The following BRAF variants were observed in gnomAD, a reference collection of about 807,000 sequenced individuals.
The protein encoded by BRAF is serine/threonine-protein kinase B-raf.
In BRAF, 16 loss-of-function variants were observed where a neutral mutation model predicts 104.6. The observed-to-expected ratio is 0.15, with a 90% CI of 0.10 to 0.23. The LOEUF is 0.23. BRAF is among the 10% of genes least tolerant of loss of function. BRAF has a pLI of 1.00. For synonymous variants in BRAF, 310 were observed against 341.6 expected (o/e 0.91, Z 1.02); for missense variants, 541 against 937.3 (o/e 0.58, Z 5.52).
chr7:140,916,094 C>G (rs1817605322), intron 1 of BRAF, among the ~76,000 whole-genome samples: 1 of 152,226 alleles, frequency 6.6e-6, no homozygotes, highest in Admixed American at 6.5e-5. Context: ...TAGTCAGTTT[C>G]TACCTTCGCA....
At chr7:140,759,800 A>C (rs1798519453) in intron 14 of BRAF, among the ~76,000 whole-genome samples, 1 of 152,238 alleles carries the variant, frequency 6.6e-6, no homozygotes. Context: ...ATATGCCTGA[A>C]AGCAGTGTTT....
chr7:140,821,331 GCT>G (rs1805461955), intron 3 of BRAF, among the ~76,000 whole-genome samples: 2 of 126,028 alleles, frequency 1.6e-5, no homozygotes, highest in Admixed American at 9.9e-5. Flanking sequence ...ACAGAGTCTC[GCT>G]CTGTCACCCA....
chr7:140,789,748 G>C (rs900466900), intron 8 of BRAF, among the ~76,000 whole-genome samples: 1 of 152,228 alleles, frequency 6.6e-6, no homozygotes, highest in Non-Finnish European at 1.5e-5. Flanking sequence ...ATAAGATTTT[G>C]AGATGAAGTC....
intron 1 of BRAF, among the ~76,000 whole-genome samples, chr7:140,901,664 C>G (rs1230924333): frequency 6.6e-6 from 1 of 152,176 alleles, no homozygotes; most frequent in Non-Finnish European, 1.5e-5. Flanking sequence ...TTTAGGTGGT[C>G]TGTCTCTAAA....
chr7:140,902,139 G>A (rs1363008991), intron 1 of BRAF, among the ~76,000 whole-genome samples: 3 of 152,140 alleles, frequency 2.0e-5, no homozygotes, highest in Non-Finnish European at 4.4e-5. Flanking sequence ...GAGCAAATCT[G>A]TTGGCACCAT....
intron 4 of BRAF, 95 bp from the exon 5 acceptor site, chr7:140,808,157 T>C (rs1017851769): frequency 6.4e-6 from 6 of 942,968 alleles, no homozygotes; most frequent in East Asian, 2.5e-5. Flanking sequence ...ATCGAGGGGC[T>C]AGTAACAGTG....
At chr7:140,838,564 T>A (rs1807595027) in intron 2 of BRAF, among the ~76,000 whole-genome samples, 1 of 152,146 alleles carries the variant, frequency 6.6e-6, no homozygotes, top group Admixed American at 6.6e-5. Flanking sequence ...TTCAATGCAA[T>A]CCTTCTCAAA....
rs950212589 is a variant in BRAF at position 140,722,636 on chromosome 7, G to C, written c.*3858C>G. 4.8e-5 allele frequency: 51 copies of C among 1,053,596 alleles called. No individual in the cohort carries two copies. The highest frequency in any genetic ancestry group is 5.6e-5 in the Non-Finnish European group (49 of 872,024). The allele number at this position is 1,053,596 out of a possible 1,614,324, so 65.3% of individuals were successfully genotyped here. A position where few individuals can be genotyped will look rare whatever the true frequency, so the allele number is the denominator to read the frequency against. On this transcript the variant is annotated 3_prime_UTR_variant, in exon 20 of 20. Transcript: ENST00000644969. ...CACTAACAATGCCAACTTGGACAAA[G>C]AAGAGAATCTTGCAAAAAGAGTAAT... is the stretch of plus-strand genomic sequence containing the variant.
At chr7:140,862,831 A>T (rs1373539812) in intron 1 of BRAF, among the ~76,000 whole-genome samples, 1 of 152,198 alleles carries the variant, frequency 6.6e-6, no homozygotes, top group Non-Finnish European at 1.5e-5. Context: ...GAATATATTA[A>T]AAACCACTAA....
intron 9 of BRAF, among the ~76,000 whole-genome samples, chr7:140,786,042 A>G (rs564249152): frequency 2.0e-5 from 3 of 152,348 alleles, no homozygotes; most frequent in African/African-American, 7.2e-5. Context: ...TTTATGACTA[A>G]GTTAATTTTG....
intron 7 of BRAF, chr7:140,799,011 A>G (rs1397301415): frequency 5.8e-6 from 1 of 172,190 alleles, no homozygotes; most frequent in Non-Finnish European, 1.2e-5. Flanking sequence ...ATGCCCAGCT[A>G]ATTTTTTTTT....
At position 140,739,858 on chromosome 7, in the gene BRAF, G is replaced by A; in HGVS notation, c.2201C>T (p.Ala734Val). The change falls in exon 18 of 20, where the codon GCA becomes GTA. Residue 734 changes from alanine to valine, a missense_variant. Physicochemically the swap from Ala to Val is moderately conservative, Grantham distance 64 (BLOSUM62 0). Coordinates refer to ENST00000644969, the MANE Select transcript of BRAF (RefSeq NM_001374258.1). ...ATCTCTTTTCTTTTTGAGGCACTCT[G>A]CCATTAATCTCTTCATGGCTTTTGG... is the stretch of plus-strand genomic sequence containing the variant. ...NCPKAMKRLM[A>V]ECLKKKRDER... The A allele has an allele frequency of 6.2e-7, 1 of 1,612,908 alleles. No individual in the cohort carries two copies.
chr7:140,730,136 T>C (rs1795853754), intron 19 of BRAF, among the ~76,000 whole-genome samples: 1 of 152,108 alleles, frequency 6.6e-6, no homozygotes. Flanking sequence ...AAAAAGTATC[T>C]TTTCTTAATG....
At position 140,739,928 on chromosome 7, in the gene BRAF, G is replaced by A. The variant is rs2130900815; in HGVS notation, c.2131C>T (p.Arg711Ter). The A allele has an allele frequency of 6.2e-7, 1 of 1,613,374 alleles. No homozygotes were observed. The highest frequency in any genetic ancestry group is 8.5e-7 in the Non-Finnish European group (1 of 1,179,818). The change falls in exon 18 of 20, where the codon CGA becomes TGA. Residue 711 changes from arginine to a stop codon, truncating the protein, a stop_gained. Coordinates refer to ENST00000644969, the MANE Select transcript of BRAF (RefSeq NM_001374258.1). LOFTEE classifies it high-confidence loss of function. ...CTGAGATCTGGAGACAGGTATCCTC[G>A]TCCCACCATAAAAATTATCTGGAGA... The part of the protein sequence containing the change: ...NRDQIIFMVG[R>*]GYLSPDLSKV...
chr7:140,754,265 A>C, intron 14 of BRAF, 32 bp from the exon 14 acceptor site: 1 of 1,601,976 alleles, frequency 6.2e-7, no homozygotes, highest in Non-Finnish European at 8.6e-7. Flanking sequence ...TAACCTGAGT[A>C]GGGCTAAAGG....
In BRAF at chr7:140,801,397, T is replaced by A; in HGVS notation, c.860+15A>T. On this transcript the variant is annotated intron_variant, in intron 6 of 19. Coordinates refer to ENST00000644969, the MANE Select transcript of BRAF (RefSeq NM_001374258.1). ...AAAATGGTAGGTAGAAAAGAGATAT[T>A]TTTGGATTACTTACTCAAGTTGGTC... The A allele has an allele frequency of 1.2e-6, 2 of 1,613,206 alleles. No homozygotes were observed. The highest frequency in any genetic ancestry group is 1.7e-6 in the Non-Finnish European group (2 of 1,179,262).
chr7:140,825,248 A>G (rs967715211), intron 3 of BRAF, among the ~76,000 whole-genome samples: 7 of 152,128 alleles, frequency 4.6e-5, no homozygotes, highest in Non-Finnish European at 1.0e-4. Flanking sequence ...GATTACAGGC[A>G]TGAGCCTCCG....
chr7:140,884,564 T>G lies in BRAF; in HGVS notation c.139-34352A>C, dbSNP rs1457565715. 2.0e-5 allele frequency among the ~76,000 whole-genome samples: 3 copies of G among 151,456 alleles called. No individual in the cohort carries two copies. The South Asian group carries it at 6.2e-4, about 32-fold the overall frequency. ...TGCATGACCACAGCTCCCCACAATC[T>G]CAAACTCTGGGCTCAAGTGATCCTC... On this transcript the variant is annotated intron_variant, in intron 1 of 19. Transcript: ENST00000644969.
intron 14 of BRAF, among the ~76,000 whole-genome samples, chr7:140,773,666 T>C (rs891038556): frequency 2.0e-4 from 31 of 152,206 alleles, no homozygotes; most frequent in African/African-American, 7.2e-4. Context: ...GAGAACAGAT[T>C]TAGAGAAATA....
Sources: allele counts gnomAD v4.1 joint callset (sites outside exome capture counted in the v4.1 genomes callset), GRCh38; gene constraint gnomAD v4.1.1; transcripts MANE v1.5; gene names NCBI Gene and HGNC (gene_info 2026-07-23, HGNC 2026-07-21).